The following RBPJ variants were observed in gnomAD, a reference collection of about 807,000 sequenced individuals.
RBPJ encodes recombination signal binding protein for immunoglobulin kappa J region.
RBPJ carries 9 observed loss-of-function variants against 67.8 expected under a neutral mutation model. The observed-to-expected ratio is 0.13, with a 90% CI of 0.08 to 0.23. RBPJ has a LOEUF of 0.23. Ranked by LOEUF, RBPJ falls within the 10% of genes least tolerant of loss-of-function variation. The pLI, the probability that RBPJ is intolerant of heterozygous loss-of-function variation, is 1.00. For synonymous variants in RBPJ, 198 were observed against 203.3 expected, an observed-to-expected ratio of 0.97 and a Z score of 0.22; for missense variants, 305 against 595.6, an observed-to-expected ratio of 0.51 and a Z score of 5.08.
chr4:26,137,127 G>A, the RBPJ span, among the ~76,000 whole-genome samples: 12 of 152,308 alleles, frequency 7.9e-5, no homozygotes, highest in East Asian at 1.9e-4. Context: ...TGGGAGAGGC[G>A]GATGGTGGTG....
rs1734100276 is a variant in RBPJ at position 26,412,198 on chromosome 4, T to C, written c.156-3277T>C. The stretch of plus-strand genomic sequence containing the variant: ...TGGCATATAGGTTGCGCATTCCCAA[T>C]CCAAAAATTCGAAGTGCTCCAAAAT... On this transcript the variant is annotated intron_variant, in intron 3 of 10. Transcript: ENST00000355476. Among the ~76,000 whole-genome samples the C allele has an allele frequency of 2.6e-5, 4 of 151,142 alleles. No homozygotes were observed. In the South Asian group the frequency reaches 8.4e-4, roughly 32 times the overall value.
At chr4:26,427,228 A>G (rs2109829972) in intron 7 of RBPJ, among the ~76,000 whole-genome samples, 1 of 152,302 alleles carries the variant, frequency 6.6e-6, no homozygotes, top group Non-Finnish European at 1.5e-5. Flanking sequence ...AAAGCAAGGC[A>G]TCAAGGGTGA....
rs141412658 is a variant in RBPJ at position 26,226,375 on chromosome 4, T to G, written c.-167+62761T>G. ...TATAGTCCCAGATAACTTGGGAAGC[T>G]GAAATGAGAGGATTGCTTGAGCCCA... On this transcript the variant is annotated intron_variant, in intron 1 of 4. Transcript: ENST00000512351. Among the ~76,000 whole-genome samples the G allele has an allele frequency of 6.7e-3, 1,014 of 152,190 alleles. 12 individuals are homozygous for G. The highest frequency in any genetic ancestry group is 0.022 in the African/African-American group (912 of 41,504).
the RBPJ span, chr4:26,113,283 C>T: frequency 2.6e-6 from 1 of 377,742 alleles, no homozygotes; most frequent in Non-Finnish European, 5.3e-6. Flanking sequence ...ACATCTCACT[C>T]AGCTTTGGAA....
rs60945391 is a variant in RBPJ, at chr4:26,388,604, A to ACTCT, written c.59+2233_59+2236dup. Among the ~76,000 whole-genome samples, 1,082 of 150,286 alleles carry ACTCT rather than the reference A, an allele frequency of 7.2e-3. 6 individuals carry two copies. Among genetic ancestry groups the ACTCT allele is most frequent in the Non-Finnish European group, 0.011 (754 of 67,372 alleles). On this transcript the variant is annotated intron_variant, in intron 2 of 10. Transcript: ENST00000355476. ...TAGAGACATAGAAGATTACACACAC[A>ACTCT]CTCTCTCTCTCTCTCTCTCTCTCAA... is the stretch of plus-strand genomic sequence containing the variant.
chr4:26,152,385 C>T, the RBPJ span, among the ~76,000 whole-genome samples: 1 of 152,174 alleles, frequency 6.6e-6, no homozygotes, highest in Non-Finnish European at 1.5e-5. Context: ...CGCAATGGAC[C>T]CTCTTTGTTG....
chr4:26,424,591 A>T lies in RBPJ; in HGVS notation c.635-40A>T, dbSNP rs773383270. On this transcript the variant is annotated intron_variant, in intron 6 of 10. Transcript: ENST00000355476. This position sits in a 1 kb window ranked among gnomAD's most constrained non-coding sequence, Gnocchi z 5.3. Reference sequence around the variant, plus strand: ...ATTTGCCTAATCATAAAATAAATTTAAAAAGATGACAATTTGATTTATTTT... The same window carrying T: ...ATTTGCCTAATCATAAAATAAATTTTAAAAGATGACAATTTGATTTATTTT... The T allele has an allele frequency of 2.6e-6, 4 of 1,563,184 alleles. No individual in the cohort carries two copies. Among genetic ancestry groups the T allele is most frequent in the South Asian group, 1.2e-5 (1 of 86,944 alleles).
intron 1 of RBPJ, among the ~76,000 whole-genome samples, chr4:26,299,047 C>T (rs930838360): frequency 6.6e-6 from 1 of 151,956 alleles, no homozygotes; most frequent in African/African-American, 2.4e-5. Context: ...CTCTCCGATT[C>T]CAAAAGAATG....
intron 1 of RBPJ, among the ~76,000 whole-genome samples, chr4:26,350,283 T>G (rs1726662663): frequency 6.6e-6 from 1 of 152,194 alleles, no homozygotes; most frequent in Non-Finnish European, 1.5e-5. Flanking sequence ...AATACTAGTT[T>G]CCCCACTCTG....
At chr4:26,357,463 A>G (rs1727512009) in intron 1 of RBPJ, among the ~76,000 whole-genome samples, 1 of 152,248 alleles carries the variant, frequency 6.6e-6, no homozygotes, top group African/African-American at 2.4e-5. Flanking sequence ...TTCGATTTAT[A>G]AAACAAAGGA....
At chr4:26,114,055 G>A in the RBPJ span, among the ~76,000 whole-genome samples, 107 of 152,190 alleles carry the variant, frequency 7.0e-4, no homozygotes, top group Non-Finnish European at 1.3e-3. Context: ...GTTTAGTGTC[G>A]TATTCCAAAT....
At chr4:26,269,628 G>A (rs1357729045) in intron 1 of RBPJ, among the ~76,000 whole-genome samples, 4 of 152,002 alleles carry the variant, frequency 2.6e-5, no homozygotes, top group African/African-American at 7.2e-5. Flanking sequence ...TCCCCCACCG[G>A]ACTTCACCTG....
rs747256330 is a variant in RBPJ, at chr4:26,424,595, A to G, written c.635-36A>G. The G allele has an allele frequency of 1.3e-6, 2 of 1,563,152 alleles. No homozygotes were observed. Among genetic ancestry groups the G allele is most frequent in the Non-Finnish European group, 1.8e-6 (2 of 1,141,374 alleles). ...GCCTAATCATAAAATAAATTTAAAA[A>G]GATGACAATTTGATTTATTTTTCCA... On this transcript the variant is annotated intron_variant, in intron 6 of 10. Transcript: ENST00000355476. The surrounding 1 kb of genome is among the most constrained non-coding windows in gnomAD (Gnocchi z 5.3).
the RBPJ span, among the ~76,000 whole-genome samples, chr4:26,106,084 G>A: frequency 2.0e-5 from 3 of 152,340 alleles, no homozygotes; most frequent in East Asian, 5.8e-4. Flanking sequence ...TTCCAAAGAG[G>A]TGGGCAATAA....
upstream of RBPJ, among the ~76,000 whole-genome samples, chr4:26,158,945 TTCTCTCTCTC>T (rs5856933): frequency 7.1e-3 from 975 of 136,838 alleles, 9 homozygotes; most frequent in African/African-American, 0.015. Flanking sequence ...CTCTCTCTCT[TTCTCTCTCTC>T]TCTCTCTCTC....
the RBPJ span, among the ~76,000 whole-genome samples, chr4:26,109,600 C>T: frequency 1.2e-4 from 4 of 34,752 alleles, no homozygotes; most frequent in East Asian, 3.9e-4. Flanking sequence ...TATATATATA[C>T]AGCCACTGTG....
chr4:26,424,987 A>G lies in RBPJ; in HGVS notation c.747+244A>G, dbSNP rs942245925. ...ATGATTTTTTCTTAAATGATTTCCA[A>G]TATATTTTGGTGGCAATTTCCTTTT... is the stretch of plus-strand genomic sequence containing the variant. On this transcript the variant is annotated intron_variant, in intron 7 of 10. Transcript: ENST00000355476. This position sits in a 1 kb window ranked among gnomAD's most constrained non-coding sequence, Gnocchi z 5.3. 8 of 445,982 alleles carry G rather than the reference A, an allele frequency of 1.8e-5. No homozygotes were observed. The highest frequency in any genetic ancestry group is 2.7e-5 in the Non-Finnish European group (7 of 255,822). 27.6% of individuals were successfully genotyped at this position (445,982 alleles called of 1,614,324 possible).
chr4:26,397,913 G>A (rs942559099), intron 2 of RBPJ, among the ~76,000 whole-genome samples: 1 of 152,208 alleles, frequency 6.6e-6, no homozygotes, highest in African/African-American at 2.4e-5. Flanking sequence ...GATTACAGGC[G>A]TGAGCCACCT....
intron 1 of RBPJ, among the ~76,000 whole-genome samples, chr4:26,298,642 G>A (rs1721966066): frequency 6.6e-6 from 1 of 152,116 alleles, no homozygotes; most frequent in Non-Finnish European, 1.5e-5. Context: ...AAACATTCTG[G>A]CTTACAAATT....
Sources: gnomAD v4.1 joint callset for allele counts (sites outside exome capture counted in the v4.1 genomes callset) on GRCh38, gnomAD v4.1.1 for gene constraint, Gnocchi (gnomAD v3.1) non-coding constraint, MANE v1.5 for transcripts, NCBI Gene and HGNC (gene_info 2026-07-23, HGNC 2026-07-21) for gene names.